ANXA3: variants seen among roughly 807,000 people sequenced by gnomAD.
ANXA3 encodes annexin A3, also known as 35-alpha calcimedin.
Under a neutral mutation model 48.8 loss-of-function variants are expected in ANXA3, and 46 were observed. The ratio of observed to expected loss-of-function variants is 0.94; its 90% CI spans 0.74 to 1.21. ANXA3 has a LOEUF of 1.21. Among genes scored for constraint, ANXA3 ranks in the 50% most tolerant of loss-of-function variants. The pLI, the probability that ANXA3 is intolerant of heterozygous loss-of-function variation, is 0.00. For missense variants in ANXA3, 383 were observed against 378.6 expected (o/e 1.01, Z -0.10); for synonymous variants, 128 against 134.7 (o/e 0.95, Z 0.35).
intron 2 of ANXA3, among the ~76,000 whole-genome samples, chr4:78,561,058 TGTTTGGTAATAAATATA>T: frequency 6.6e-6 from 1 of 152,314 alleles, no homozygotes; most frequent in Admixed American, 6.5e-5. Context: ...AATGAATTAA[TGTTTGGTAATAAATATA>T]GATTAGCAAG....
chr4:78,593,803 A>ATT (rs60515646), intron 7 of ANXA3, among the ~76,000 whole-genome samples: 1,397 of 88,734 alleles, frequency 0.016, 87 homozygotes, highest in African/African-American at 0.048. Context: ...CATTCAGCTA[A>ATT]TTTTTTTTTT....
In ANXA3 at chr4:78,593,113, C is replaced by CACA. The variant is rs1723334676; in HGVS notation, c.483+1490_483+1491insACA. On this transcript the variant is annotated intron_variant, in intron 7 of 12. Transcript: ENST00000264908. ...AAGTATTTGTACATGAACACACATA[C>CACA]CACACACACACACACACACACACAC... 9.0e-3 allele frequency among the ~76,000 whole-genome samples: 1,292 copies of CACA among 144,026 alleles called. 5 individuals carry two copies. Among genetic ancestry groups the CACA allele is most frequent in the Non-Finnish European group, 0.014 (903 of 65,960 alleles). 94.5% of individuals were successfully genotyped at this position (144,026 alleles called of 152,430 possible). A position where few individuals can be genotyped will look rare whatever the true frequency, so the allele number is the denominator to read the frequency against.
rs772690677 is a variant in ANXA3, at chr4:78,586,352, T to C, written c.403+2T>C. The C allele has an allele frequency of 4.2e-5, 68 of 1,607,196 alleles. No homozygotes were observed. The highest frequency in any genetic ancestry group is 5.4e-5 in the Non-Finnish European group (64 of 1,175,652). ...ATATCTCTCAAGCCTATTATACAGG[T>C]GTCTTATTTTCTGCTTACCTTCACC... On this transcript the variant is annotated splice_donor_variant, in intron 6 of 12. Coordinates refer to ENST00000264908, the MANE Select transcript of ANXA3 (RefSeq NM_005139.3). LOFTEE classifies it high-confidence loss of function.
intron 7 of ANXA3, 21 bp from the exon 8 acceptor site, chr4:78,595,360 T>G (rs374764867): frequency 3.1e-6 from 5 of 1,613,722 alleles, no homozygotes; most frequent in Non-Finnish European, 4.2e-6. Flanking sequence ...GGATGGCCCT[T>G]GTTTTCGTCC....
rs1218941988 is a variant in ANXA3 at position 78,604,343 on chromosome 4, G to A, written c.856G>A (p.Asp286Asn). 16 of 1,613,312 alleles carry A rather than the reference G, an allele frequency of 9.9e-6. No homozygotes were observed. The highest frequency in any genetic ancestry group is 1.3e-5 in the Non-Finnish European group (15 of 1,179,516). The change falls in exon 12 of 13, where the codon GAC (aspartate) becomes AAC (asparagine). Residue 286 changes from aspartate (D) to asparagine (N), a missense_variant. Asp to Asn is a conservative substitution (Grantham distance 23, BLOSUM62 1). Transcript: ENST00000264908. ...GTCCAGATCAGAAATTGACCTTTTGGACATTCGAACAGAGTTCAAGAAGCA... is the reference window on the plus strand; with the variant it reads ...GTCCAGATCAGAAATTGACCTTTTGAACATTCGAACAGAGTTCAAGAAGCA... ...MVSRSEIDLL[D>N]IRTEFKKHYG...
In ANXA3 at chr4:78,577,758, CCT is replaced by C. The variant is rs1401089551; in HGVS notation, c.104-1264_104-1263del. Among the ~76,000 whole-genome samples, 10 of 152,094 alleles carry C rather than the reference CCT, an allele frequency of 6.6e-5. No individual in the cohort carries two copies. In the East Asian group the frequency reaches 1.7e-3, roughly 26 times the overall value. ...ATTGAGTTCCAGGTGCTCTTTTATACCTCTCTAGTCATGCATGCTCTAGGCCT... is the reference window on the plus strand; with the variant it reads ...ATTGAGTTCCAGGTGCTCTTTTATACCTCTAGTCATGCATGCTCTAGGCCT... On this transcript the variant is annotated intron_variant, in intron 3 of 12. Coordinates refer to ENST00000264908, the MANE Select transcript of ANXA3 (RefSeq NM_005139.3).
chr4:78,573,365 A>G, intron 3 of ANXA3, 98 bp downstream of exon 3: 1 of 839,430 alleles, frequency 1.2e-6, no homozygotes, highest in Non-Finnish European at 1.9e-6. Flanking sequence ...ACTCAATTTA[A>G]TAAATTGTCA....
At chr4:78,568,135 G>C (rs1722768848) in intron 2 of ANXA3, among the ~76,000 whole-genome samples, 1 of 152,198 alleles carries the variant, frequency 6.6e-6, no homozygotes, top group Non-Finnish European at 1.5e-5. Flanking sequence ...GGTACTGTGG[G>C]TTAGGACTTT....
At chr4:78,589,304 A>G (rs7683582) in intron 6 of ANXA3, among the ~76,000 whole-genome samples, 104,950 of 152,116 alleles carry the variant, frequency 0.69, 36,408 homozygotes, top group East Asian at 0.87. Context: ...CTATGTGAGT[A>G]ATGCTCTCTG....
intron 2 of ANXA3, among the ~76,000 whole-genome samples, chr4:78,567,843 G>A (rs1364280799): frequency 6.6e-6 from 1 of 152,196 alleles, no homozygotes; most frequent in Non-Finnish European, 1.5e-5. Flanking sequence ...CTGCTTTTAG[G>A]CAAATGGAGG....
intron 1 of ANXA3, 91 bp downstream of exon 1, chr4:78,551,950 T>A (rs1476485626): frequency 6.6e-6 from 1 of 152,220 alleles, no homozygotes; most frequent in East Asian, 1.9e-4. Context: ...CCTCGCCCAG[T>A]TCCCCCGCGA....
chr4:78,584,675 A>G (rs1723136377), intron 5 of ANXA3, among the ~76,000 whole-genome samples: 2 of 152,198 alleles, frequency 1.3e-5, no homozygotes, highest in Admixed American at 6.5e-5. Context: ...GGCATAAGCC[A>G]TATTCTGCCT....
At chr4:78,593,614 C>T (rs1386914002) in intron 7 of ANXA3, among the ~76,000 whole-genome samples, 1 of 145,102 alleles carries the variant, frequency 6.9e-6, no homozygotes, top group Non-Finnish European at 1.5e-5. Context: ...TCTACTCTCT[C>T]CTTTCCTTTC....
intron 5 of ANXA3, among the ~76,000 whole-genome samples, chr4:78,585,388 T>C (rs955436721): frequency 5.3e-5 from 8 of 152,228 alleles, no homozygotes; most frequent in African/African-American, 1.9e-4. Flanking sequence ...TCAGCCATTA[T>C]GTCTTCATTC....
chr4:78,580,443 A>G (rs1723048518), intron 4 of ANXA3, among the ~76,000 whole-genome samples: 2 of 152,250 alleles, frequency 1.3e-5, no homozygotes, highest in Non-Finnish European at 2.9e-5. Context: ...GGTTGAGAAC[A>G]TGCTAAGCCT....
intron 5 of ANXA3, among the ~76,000 whole-genome samples, chr4:78,583,052 T>C (rs1256472600): frequency 6.6e-6 from 1 of 152,086 alleles, no homozygotes. Context: ...AAAGATTTAT[T>C]GTAAGGCCAG....
chr4:78,582,374 A>G, intron 5 of ANXA3, 84 bp downstream of exon 5: 1 of 887,178 alleles, frequency 1.1e-6, no homozygotes, highest in South Asian at 1.5e-5. Context: ...CACACTTGTG[A>G]TGGGTGGACT....
Position 78,610,143 on chromosome 4 carries a change from C to G in ANXA3, c.*28C>G, listed in dbSNP as rs752453464. 9.5e-6 allele frequency: 15 copies of G among 1,571,490 alleles called. No homozygotes were observed. In the Middle Eastern group the frequency reaches 1.0e-3, roughly 106 times the overall value. On this transcript the variant is annotated 3_prime_UTR_variant, in exon 13 of 13. Coordinates refer to ENST00000264908, the MANE Select transcript of ANXA3 (RefSeq NM_005139.3). ...CAAGAAGATAATCTCCAAAGGTCCA[C>G]GATGGGCTTTCCCAACAGCTCCACC...
At chr4:78,597,163 A>G in intron 9 of ANXA3, 156 bp from the exon 10 acceptor site, 1 of 576,752 alleles carries the variant, frequency 1.7e-6, no homozygotes, top group Non-Finnish European at 3.0e-6. Context: ...AAGGAACAAA[A>G]GAAAAACAAA....
Sources: allele counts gnomAD v4.1 joint callset (sites outside exome capture counted in the v4.1 genomes callset), GRCh38; gene constraint gnomAD v4.1.1; transcripts MANE v1.5; gene names NCBI Gene and HGNC (gene_info 2026-07-23, HGNC 2026-07-21).